MYB: variants seen among roughly 807,000 people sequenced by gnomAD.
MYB encodes transcriptional activator Myb.
In MYB, 28 loss-of-function variants were observed where a neutral mutation model predicts 92.9. The ratio of observed to expected loss-of-function variants is 0.30; its 90% CI spans 0.22 to 0.41. MYB has a LOEUF of 0.41. Ranked by LOEUF, MYB falls within the 10% of genes least tolerant of loss-of-function variation. The pLI is 1.00. For missense variants in MYB, 679 were observed against 929.3 expected (o/e 0.73, Z 3.50); for synonymous variants, 295 against 329.1 (o/e 0.90, Z 1.12).
chr6:135,216,118 G>C (rs946602569), intron 15 of MYB, among the ~76,000 whole-genome samples: 5 of 152,126 alleles, frequency 3.3e-5, no homozygotes, highest in African/African-American at 1.2e-4. Flanking sequence ...TCAAGCAGGA[G>C]GTTACATCTA....
In MYB at chr6:135,203,302, G is replaced by C. The variant is rs1399343498; in HGVS notation, c.2147G>C (p.Arg716Thr). The C allele has an allele frequency of 1.2e-6, 2 of 1,602,532 alleles. No individual in the cohort carries two copies. The highest frequency in any genetic ancestry group is 1.7e-6 in the Non-Finnish European group (2 of 1,169,590). ...AAAGCATTTACAGTACCTAAAAACA[G>C]GTCCCTGGCGAGCCCCTTGCAGGTA... ...VLKAFTVPKN[R>T]SLASPLQPCS... Residue 716 changes from arginine to threonine, a missense_variant, in exon 15 of 16, where the codon AGG becomes ACG. Transcript: ENST00000341911.
intron 13 of MYB, chr6:135,200,623 ATGTTTG>A (rs1777937744): frequency 1.5e-6 from 1 of 675,968 alleles, no homozygotes; most frequent in South Asian, 1.5e-5. Flanking sequence ...TATCTACTTC[ATGTTTG>A]GACAGAAAAC....
chr6:135,186,190 A>G (rs1175724777), intron 2 of MYB, among the ~76,000 whole-genome samples, 170 bp downstream of exon 2: 1 of 152,052 alleles, frequency 6.6e-6, no homozygotes, highest in Non-Finnish European at 1.5e-5. Context: ...TATATTATCC[A>G]TTTCCACACT....
At chr6:135,216,263 T>C (rs915716286) in intron 15 of MYB, among the ~76,000 whole-genome samples, 1 of 152,220 alleles carries the variant, frequency 6.6e-6, no homozygotes, top group Admixed American at 6.5e-5. Flanking sequence ...GATGCTCAAG[T>C]CCCTGATATA....
At chr6:135,200,516 C>T (rs758894049) in intron 13 of MYB, 101 bp downstream of exon 13, 114 of 1,527,652 alleles carry the variant, frequency 7.5e-5, no homozygotes, top group Admixed American at 7.0e-4. Flanking sequence ...TGCAACACCA[C>T]GACTTTTCGT....
Position 135,181,549 on chromosome 6 carries a change from C to G in MYB, c.23+13C>G. ...GACCCCGGCACAGGTAACGGGGAGC[C>G]GGGCGGGCGGCCGAGGGCGGGGGCG... On this transcript the variant is annotated intron_variant, in intron 1 of 15. Transcript: ENST00000341911. The surrounding 1 kb of genome is among the most constrained non-coding windows in gnomAD (Gnocchi z 5.3). 8.6e-7 allele frequency: 1 copy of G among 1,163,764 alleles called. No individual in the cohort carries two copies. The highest frequency in any genetic ancestry group is 1.1e-6 in the Non-Finnish European group (1 of 944,168). The allele number at this position is 1,163,764 out of a possible 1,614,324, so 72.1% of individuals were successfully genotyped here. A position where few individuals can be genotyped will look rare whatever the true frequency, so the allele number is the denominator to read the frequency against.
chr6:135,200,646 G>A (rs1452706706), intron 13 of MYB: 1 of 595,260 alleles, frequency 1.7e-6, no homozygotes, highest in African/African-American at 1.8e-5. Context: ...AAACATACTA[G>A]AGAGTATCAA....
chr6:135,212,939 G>C (rs1349529398), intron 15 of MYB, among the ~76,000 whole-genome samples: 5 of 152,214 alleles, frequency 3.3e-5, no homozygotes, highest in Admixed American at 3.3e-4. Context: ...TAAGATGGGA[G>C]AAAGGGAGCG....
chr6:135,190,858 A>G lies in MYB; in HGVS notation c.527+511A>G, dbSNP rs1261650432. Among the ~76,000 whole-genome samples, 1 of 152,238 alleles carries G rather than the reference A, an allele frequency of 6.6e-6. No individual in the cohort carries two copies. Among genetic ancestry groups the G allele is most frequent in the East Asian group, 1.9e-4 (1 of 5,188 alleles). On this transcript the variant is annotated intron_variant, in intron 5 of 15. Transcript: ENST00000341911. This position sits in a 1 kb window ranked among gnomAD's most constrained non-coding sequence, Gnocchi z 4.5. ...CACATGAGTGACAGAGTGCAGTGGCATGATCATAGCTCAATACATCCTTGA... is the reference window on the plus strand; with the variant it reads ...CACATGAGTGACAGAGTGCAGTGGCGTGATCATAGCTCAATACATCCTTGA...
intron 13 of MYB, 153 bp downstream of exon 13, chr6:135,200,568 ACT>A (rs1777926650): frequency 9.2e-7 from 1 of 1,085,158 alleles, no homozygotes; most frequent in Admixed American, 1.8e-5. Flanking sequence ...GTACTGCCAG[ACT>A]GTAGGCATCA....
At chr6:135,184,588 G>C (rs922916769) in intron 1 of MYB, among the ~76,000 whole-genome samples, 1 of 151,996 alleles carries the variant, frequency 6.6e-6, no homozygotes, top group Admixed American at 6.6e-5. Context: ...TAAAATAATA[G>C]CTTTAAATTA....
chr6:135,210,536 T>C (rs1226708252), intron 15 of MYB, among the ~76,000 whole-genome samples: 1 of 152,256 alleles, frequency 6.6e-6, no homozygotes, highest in Non-Finnish European at 1.5e-5. Context: ...TATTTTGTTA[T>C]TTGTCTATGA....
intron 2 of MYB, 75 bp downstream of exon 2, chr6:135,186,095 C>A: frequency 8.0e-7 from 1 of 1,245,510 alleles, no homozygotes. Context: ...TTCAACTAAA[C>A]TACAGGTGCT....
chr6:135,215,352 ATTG>A (rs1780290342), intron 15 of MYB, among the ~76,000 whole-genome samples: 1 of 152,110 alleles, frequency 6.6e-6, no homozygotes, highest in African/African-American at 2.4e-5. Flanking sequence ...GGTTCCTTTT[ATTG>A]TTTCTGATAA....
intron 15 of MYB, among the ~76,000 whole-genome samples, chr6:135,215,684 T>A (rs1232650639): frequency 2.6e-5 from 4 of 152,086 alleles, no homozygotes; most frequent in Non-Finnish European, 5.9e-5. Context: ...CCACTGGCAA[T>A]GTACAAATTG....
rs56309265 is a variant in MYB at position 135,202,739 on chromosome 6, C to T, written c.2062-478C>T. ...GCACAAAGAGGCTTAGTCATTTGCT[C>T]AAGATTGTATACCTAATAAGGGATG... On this transcript the variant is annotated intron_variant, in intron 14 of 15. Coordinates refer to ENST00000341911, the MANE Select transcript of MYB (RefSeq NM_001130173.2). The T allele has an allele frequency of 2.0e-4, 65 of 320,554 alleles. No individual in the cohort carries two copies. In the East Asian group the frequency reaches 4.7e-3, roughly 23 times the overall value. The allele number at this position is 320,554 out of a possible 1,614,324, so 19.9% of individuals were successfully genotyped here. A position where few individuals can be genotyped will look rare whatever the true frequency, so the allele number is the denominator to read the frequency against.
intron 1 of MYB, among the ~76,000 whole-genome samples, chr6:135,183,649 C>G (rs1012050782): frequency 2.6e-5 from 4 of 152,194 alleles, no homozygotes; most frequent in African/African-American, 7.2e-5. Flanking sequence ...AGTTCAAAGG[C>G]GAGCCTGGGT....
intron 15 of MYB, among the ~76,000 whole-genome samples, chr6:135,215,947 T>G (rs1386213158): frequency 6.6e-6 from 1 of 152,192 alleles, no homozygotes; most frequent in Admixed American, 6.5e-5. Context: ...GCTAAGGCCT[T>G]TCTTATTCTT....
In MYB at chr6:135,190,184, T is replaced by C; in HGVS notation, c.364T>C (p.Leu122=). The C allele has an allele frequency of 6.2e-7, 1 of 1,614,140 alleles. No homozygotes were observed. Among genetic ancestry groups the C allele is most frequent in the African/African-American group, 1.3e-5 (1 of 75,034 alleles). The change falls in exon 5 of 16, where the codon TTA becomes CTA. Residue 122 remains leucine, a synonymous_variant. Transcript: ENST00000341911. This position sits in a 1 kb window ranked among gnomAD's most constrained non-coding sequence, Gnocchi z 4.5. Reference sequence around the variant, plus strand: ...ACGTTGGTCTGTTATTGCCAAGCACTTAAAGGGGAGAATTGGAAAACAATG... The same window carrying C: ...ACGTTGGTCTGTTATTGCCAAGCACCTAAAGGGGAGAATTGGAAAACAATG... ...PKRWSVIAKH[L]KGRIGKQCRE...
Sources: gnomAD v4.1 joint callset for allele counts (sites outside exome capture counted in the v4.1 genomes callset) on GRCh38, gnomAD v4.1.1 for gene constraint, Gnocchi (gnomAD v3.1) non-coding constraint, MANE v1.5 for transcripts, NCBI Gene and HGNC (gene_info 2026-07-23, HGNC 2026-07-21) for gene names.